The following C1orf87 variants were observed in gnomAD, a reference collection of about 807,000 sequenced individuals.
The protein encoded by C1orf87 is uncharacterized protein C1orf87.
In C1orf87, 58 loss-of-function variants were observed where a neutral mutation model predicts 60.5. The observed-to-expected ratio is 0.96, with a 90% CI of 0.78 to 1.19. The LOEUF (loss-of-function observed/expected upper bound fraction) is 1.19, where lower values mean the gene tolerates loss of function less well. C1orf87 is among the 50% of genes most tolerant of loss of function. The probability of loss-of-function intolerance (pLI) is 0.00; values close to 1 mark genes in which losing one functional copy is unlikely to be tolerated. For missense variants in C1orf87, 673 were observed against 638.6 expected, an observed-to-expected ratio of 1.05 and a Z score of -0.58; for synonymous variants, 236 against 227.4, an observed-to-expected ratio of 1.04 and a Z score of -0.34.
intron 8 of C1orf87, among the ~76,000 whole-genome samples, chr1:60,013,138 A>T (rs1284464501): frequency 6.6e-6 from 1 of 152,128 alleles, no homozygotes; most frequent in Non-Finnish European, 1.5e-5. Context: ...TTTAGCTTAC[A>T]TCACACTGAG....
chr1:60,048,224 A>G (rs1169328265), intron 3 of C1orf87, among the ~76,000 whole-genome samples: 1 of 152,176 alleles, frequency 6.6e-6, no homozygotes, highest in Non-Finnish European at 1.5e-5. Flanking sequence ...CATGTCATGC[A>G]CACCCCTAGA....
chr1:60,063,240 A>C (rs962652350), intron 2 of C1orf87, among the ~76,000 whole-genome samples: 1 of 152,136 alleles, frequency 6.6e-6, no homozygotes, highest in Non-Finnish European at 1.5e-5. Context: ...AGGCTTATTG[A>C]TCAGTTGTTT....
intron 3 of C1orf87, among the ~76,000 whole-genome samples, chr1:60,044,266 G>A (rs192873743): frequency 5.3e-4 from 80 of 151,964 alleles, no homozygotes; most frequent in African/African-American, 1.9e-3. Context: ...TCCTGACCTC[G>A]TGATCTGCCC....
At chr1:60,038,271 T>G (rs1183853013) in intron 5 of C1orf87, among the ~76,000 whole-genome samples, 164 bp from the exon 6 acceptor site, 1 of 152,218 alleles carries the variant, frequency 6.6e-6, no homozygotes, top group Non-Finnish European at 1.5e-5. Context: ...AGTATTCTTA[T>G]TATTTTCCCT....
rs773958960 is a variant in C1orf87 at position 60,055,232 on chromosome 1, G to A, written c.314C>T (p.Ala105Val). The stretch of plus-strand genomic sequence containing the variant: ...GCCATCCAGGAATCTGCTACTGTTT[G>A]CCCCTGTTAGTAGTTTCTGGTTGTT... ...SENNQKLLTGANSSRFLDGNI... is the reference protein window; with the variant it reads ...SENNQKLLTGVNSSRFLDGNI... The change falls in exon 3 of 12, where the codon GCA (alanine) becomes GTA (valine). Residue 105 changes from alanine to valine, a missense_variant. Physicochemically the swap from Ala to Val is moderately conservative, Grantham distance 64. Transcript: ENST00000371201. 17 of 1,613,908 alleles carry A rather than the reference G, an allele frequency of 1.1e-5. No homozygotes were observed. Among genetic ancestry groups the A allele is most frequent in the Non-Finnish European group, 1.4e-5 (17 of 1,179,860 alleles).
intron 3 of C1orf87, among the ~76,000 whole-genome samples, chr1:60,045,788 G>A (rs951170896): frequency 6.6e-6 from 1 of 152,122 alleles, no homozygotes; most frequent in Non-Finnish European, 1.5e-5. Context: ...TGTGGGATGG[G>A]GCCCAGGAAT....
intron 9 of C1orf87, among the ~76,000 whole-genome samples, chr1:60,003,896 A>G (rs1232177940): frequency 6.6e-6 from 1 of 152,062 alleles, no homozygotes; most frequent in Non-Finnish European, 1.5e-5. Flanking sequence ...TATCTACCCC[A>G]GATGCTATAT....
chr1:60,014,933 G>A (rs559398303), intron 8 of C1orf87, among the ~76,000 whole-genome samples: 3 of 152,270 alleles, frequency 2.0e-5, no homozygotes, highest in Admixed American at 6.5e-5. Context: ...AGACTGCCAG[G>A]ATCAGAAATT....
intron 7 of C1orf87, 88 bp downstream of exon 7, chr1:60,033,388 T>C (rs1047554795): frequency 2.4e-5 from 30 of 1,236,228 alleles, no homozygotes; most frequent in Non-Finnish European, 3.1e-5. Context: ...AGGCAGAATA[T>C]GGATCAGCCC....
chr1:60,058,624 T>A (rs1202587309), intron 2 of C1orf87, among the ~76,000 whole-genome samples: 1 of 152,180 alleles, frequency 6.6e-6, no homozygotes, highest in East Asian at 1.9e-4. Context: ...TATAGTCAGG[T>A]GTTCCTATTA....
chr1:60,052,784 C>T (rs989169903), intron 3 of C1orf87, among the ~76,000 whole-genome samples: 1 of 152,182 alleles, frequency 6.6e-6, no homozygotes, highest in Admixed American at 6.5e-5. Context: ...GATTGGTGTG[C>T]TTTTGTAACT....
chr1:60,000,036 C>G (rs916832582), intron 10 of C1orf87, among the ~76,000 whole-genome samples: 1 of 152,142 alleles, frequency 6.6e-6, no homozygotes, highest in Non-Finnish European at 1.5e-5. Context: ...AATATTACCT[C>G]TACCAGAGAT....
chr1:60,062,419 A>G (rs532993374), intron 2 of C1orf87, among the ~76,000 whole-genome samples: 1 of 152,166 alleles, frequency 6.6e-6, no homozygotes, highest in African/African-American at 2.4e-5. Context: ...CAAAGTACAT[A>G]TACTTTTAAG....
chr1:60,059,391 T>A (rs1645480042), intron 2 of C1orf87, among the ~76,000 whole-genome samples: 2 of 152,182 alleles, frequency 1.3e-5, no homozygotes. Context: ...AAGAGTTTAG[T>A]GTCATCCAGG....
At chr1:60,043,996 T>C (rs1171673649) in intron 3 of C1orf87, among the ~76,000 whole-genome samples, 2 of 152,218 alleles carry the variant, frequency 1.3e-5, no homozygotes, top group African/African-American at 2.4e-5. Context: ...TCTTTGGGCC[T>C]AGACATCACA....
chr1:60,062,812 G>A (rs566401708), intron 2 of C1orf87, among the ~76,000 whole-genome samples: 1 of 152,114 alleles, frequency 6.6e-6, no homozygotes, highest in Admixed American at 6.5e-5. Context: ...AATTCAAATG[G>A]CAAAAATAAC....
At chr1:60,016,998 A>T (rs1645128628) in intron 8 of C1orf87, among the ~76,000 whole-genome samples, 1 of 152,202 alleles carries the variant, frequency 6.6e-6, no homozygotes, top group Non-Finnish European at 1.5e-5. Context: ...TGTAGTGACC[A>T]AGAGCCAAGA....
intron 9 of C1orf87, among the ~76,000 whole-genome samples, chr1:60,004,728 T>C (rs1645030591): frequency 1.3e-5 from 2 of 151,962 alleles, no homozygotes; most frequent in Admixed American, 6.6e-5. Flanking sequence ...TAACCATCTG[T>C]CTAGTCTGCC....
chr1:60,010,887 TAA>T (rs1645079201), intron 8 of C1orf87: 1 of 142,150 alleles, frequency 7.0e-6, no homozygotes, highest in African/African-American at 2.5e-5. Context: ...AATAAATAAA[TAA>T]ATAAATAAAT....
Sources: gnomAD v4.1 joint callset for allele counts (sites outside exome capture counted in the v4.1 genomes callset) on GRCh38, gnomAD v4.1.1 for gene constraint, MANE v1.5 for transcripts, NCBI Gene and HGNC (gene_info 2026-07-23, HGNC 2026-07-21) for gene names.